The following CHD2 variants were observed in gnomAD, a reference collection of about 807,000 sequenced individuals.
The protein encoded by CHD2 is chromodomain helicase DNA binding protein 2, also known as ATP-dependent chromatin remodeler CHD2.
CHD2 carries 28 observed loss-of-function variants against 243.9 expected under a neutral mutation model. That is an observed-to-expected ratio of 0.11 (90% CI 0.09 to 0.16). CHD2 has a LOEUF of 0.16. Among genes scored for constraint, CHD2 ranks in the 10% least tolerant of loss-of-function variants. CHD2 has a pLI of 1.00. For synonymous variants in CHD2, 775 were observed against 779.0 expected (o/e 0.99, Z 0.09); for missense variants, 1,386 against 2,209.8 (o/e 0.63, Z 7.47).
intron 2 of CHD2, chr15:92,904,920 CAA>C: frequency 2.0e-6 from 3 of 1,535,816 alleles, no homozygotes; most frequent in Non-Finnish European, 2.6e-6. Flanking sequence ...GGCTCATAAA[CAA>C]AGGGAAGATT....
At chr15:92,953,780 A>G in intron 14 of CHD2, 1 of 562,010 alleles carries the variant, frequency 1.8e-6, no homozygotes, top group Non-Finnish European at 3.1e-6. Flanking sequence ...AAGCAACAGC[A>G]GTATGTGAGT....
chr15:93,002,941 G>A (rs1343049235), intron 33 of CHD2, among the ~76,000 whole-genome samples: 2 of 151,970 alleles, frequency 1.3e-5, no homozygotes. Context: ...CTTTTACTTT[G>A]AAATTTTATA....
chr15:92,916,785 C>T (rs2052845938), intron 2 of CHD2, among the ~76,000 whole-genome samples: 1 of 152,186 alleles, frequency 6.6e-6, no homozygotes, highest in East Asian at 1.9e-4. Context: ...GTCTCCTGAC[C>T]TCCTAATCTG....
intron 13 of CHD2, chr15:92,949,347 A>T (rs1480910743): frequency 1.5e-6 from 1 of 668,604 alleles, no homozygotes; most frequent in Non-Finnish European, 2.1e-6. Flanking sequence ...GTATCATCAT[A>T]TGTTACTCAT....
intron 5 of CHD2, among the ~76,000 whole-genome samples, chr15:92,932,132 G>A (rs1035903917): frequency 4.6e-5 from 7 of 152,168 alleles, no homozygotes; most frequent in African/African-American, 1.7e-4. Flanking sequence ...AGAGTGCTGG[G>A]ATTGCAGGCT....
At chr15:92,904,877 C>A in intron 2 of CHD2, 1 of 1,530,792 alleles carries the variant, frequency 6.5e-7, no homozygotes, top group Non-Finnish European at 8.7e-7. Flanking sequence ...TAGTGAAAAC[C>A]TCTTGACGGG....
At position 92,956,680 on chromosome 15, in the gene CHD2, G is replaced by A. The variant is rs760664101; in HGVS notation, c.2000+31G>A. 3 of 1,565,700 alleles carry A rather than the reference G, an allele frequency of 1.9e-6. No individual in the cohort carries two copies. The African/African-American group carries it at 4.2e-5, about 22-fold the overall frequency. The stretch of plus-strand genomic sequence containing the variant: ...CTCCTTCCTGTGTATTTCAAAAGAT[G>A]CTAGAATGTCTGAAATGCCAATGCT... On this transcript the variant is annotated intron_variant, in intron 16 of 38. Transcript: ENST00000394196.
intron 2 of CHD2, among the ~76,000 whole-genome samples, chr15:92,919,772 A>T (rs1490916007): frequency 6.6e-6 from 1 of 152,124 alleles, no homozygotes; most frequent in East Asian, 1.9e-4. Flanking sequence ...CTTGGTTTGG[A>T]TTTGGCTCTC....
chr15:92,916,929 G>C (rs1455353719), intron 2 of CHD2, among the ~76,000 whole-genome samples: 1 of 152,240 alleles, frequency 6.6e-6, no homozygotes, highest in Admixed American at 6.5e-5. Flanking sequence ...CTGCAAAGCA[G>C]ATGAGTGCAA....
intron 38 of CHD2, among the ~76,000 whole-genome samples, chr15:93,022,396 A>G (rs551139164): frequency 4.2e-4 from 64 of 152,288 alleles, no homozygotes; most frequent in Non-Finnish European, 7.6e-4. Flanking sequence ...TTTATGAGGG[A>G]TCTGCCCAAA....
At chr15:93,001,050 G>A (rs1251952685) in intron 32 of CHD2, among the ~76,000 whole-genome samples, 2 of 152,194 alleles carry the variant, frequency 1.3e-5, no homozygotes, top group African/African-American at 4.8e-5. Flanking sequence ...TGTATTGTAA[G>A]TAGAGATGGG....
intron 16 of CHD2, among the ~76,000 whole-genome samples, chr15:92,960,719 T>G (rs1166131323): frequency 7.0e-6 from 1 of 143,432 alleles, no homozygotes; most frequent in African/African-American, 2.6e-5. Context: ...TTTTTTTTTT[T>G]TTTTTTTTTT....
At position 92,976,923 on chromosome 15, in the gene CHD2, T is replaced by A. The variant is rs979450344; in HGVS notation, c.2578-1311T>A. ...CAAAAAAAAAAAAAAATTTTTTTTTTAAATTTCTAAATTTTTCTTATGCTT... is the reference window on the plus strand; with the variant it reads ...CAAAAAAAAAAAAAAATTTTTTTTTAAAATTTCTAAATTTTTCTTATGCTT... On this transcript the variant is annotated intron_variant, in intron 20 of 38. Transcript: ENST00000394196. Among the ~76,000 whole-genome samples the A allele has an allele frequency of 8.0e-4, 122 of 152,002 alleles. 1 individual carries two copies. Among genetic ancestry groups the A allele is most frequent in the Non-Finnish European group, 6.0e-4 (41 of 67,986 alleles).
In CHD2 at chr15:92,972,314, C is replaced by A. The variant is rs372801085; in HGVS notation, c.2402C>A (p.Thr801Lys). Residue 801 changes from threonine (T) to lysine (K), a missense_variant, in exon 19 of 39, where the codon ACA (threonine) becomes AAA (lysine). Thr to Lys is a moderately conservative substitution (Grantham distance 78, BLOSUM62 -1). Around this residue, in one of 19 missense-constraint regions of CHD2, gnomAD observed 118 missense variants for 266.3 expected, o/e 0.44. Coordinates refer to ENST00000394196, the MANE Select transcript of CHD2 (RefSeq NM_001271.4). ...GKLILLDKLL[T>K]RLRERGNRVL... ...TTGATTTTATTAGACAAACTGTTGA[C>A]AAGACTTCGAGAAAGGGGGAATCGA... 2 of 1,612,638 alleles carry A rather than the reference C, an allele frequency of 1.2e-6. No homozygotes were observed. The highest frequency in any genetic ancestry group is 1.7e-6 in the Non-Finnish European group (2 of 1,179,450).
Position 92,937,633 on chromosome 15 carries a change from GT to G in CHD2, c.551+11del, listed in dbSNP as rs1468582294. On this transcript the variant is annotated intron_variant, in intron 6 of 38. Coordinates refer to ENST00000394196, the MANE Select transcript of CHD2 (RefSeq NM_001271.4). ...AAGACCTGTCCCCAGAAGGTGCACT[GT>G]TTGCTTAAGATCTCTACTTGGGATG... The G allele has an allele frequency of 1.3e-6, 2 of 1,598,996 alleles. No individual in the cohort carries two copies. The highest frequency in any genetic ancestry group is 2.7e-5 in the African/African-American group (2 of 74,280).
intron 26 of CHD2, 107 bp from the exon 27 acceptor site, chr15:92,991,368 AT>A (rs2054117605): frequency 1.4e-6 from 1 of 703,880 alleles, no homozygotes; most frequent in African/African-American, 1.8e-5. Context: ...AGTCCACTCT[AT>A]TTTTGACAAT....
chr15:92,981,487 C>A, intron 24 of CHD2, 30 bp downstream of exon 24: 4 of 1,539,268 alleles, frequency 2.6e-6, no homozygotes, highest in South Asian at 1.1e-5. Flanking sequence ...AGAGAGTTCT[C>A]AGCATTGATT....
Position 92,958,388 on chromosome 15 carries a change from G to A in CHD2, c.2000+1739G>A, listed in dbSNP as rs796413034. ...CTTTTCATGTGTTCATTAGCCATTT[G>A]TATGTCTTTGGTGAAATTTCTATTC... On this transcript the variant is annotated intron_variant, in intron 16 of 38. Transcript: ENST00000394196. Among the ~76,000 whole-genome samples the A allele has an allele frequency of 2.0e-5, 3 of 152,252 alleles. 1 individual carries two copies. Among genetic ancestry groups the A allele is most frequent in the African/African-American group, 7.2e-5 (3 of 41,558 alleles).
At chr15:92,979,676 G>A (rs2053952663) in intron 22 of CHD2, among the ~76,000 whole-genome samples, 3 of 151,880 alleles carry the variant, frequency 2.0e-5, no homozygotes, top group African/African-American at 7.3e-5. Context: ...TTTGTGTGGA[G>A]ATTGTTGTGC....
Sources: gnomAD v4.1 joint callset for allele counts (sites outside exome capture counted in the v4.1 genomes callset) on GRCh38, gnomAD v4.1.1 for gene constraint, gnomAD v4.1.1 regional missense constraint, MANE v1.5 for transcripts, NCBI Gene and HGNC (gene_info 2026-07-23, HGNC 2026-07-21) for gene names.